Variants in ASTN2 observed in about 807,000 individuals in gnomAD.
ASTN2 encodes astrotactin-2.
ASTN2 carries 54 observed loss-of-function variants against 139.8 expected under a neutral mutation model. The ratio of observed to expected loss-of-function variants is 0.39; its 90% CI spans 0.31 to 0.48. The LOEUF (loss-of-function observed/expected upper bound fraction) is 0.48, where lower values mean the gene tolerates loss of function less well. ASTN2 is among the 20% of genes least tolerant of loss of function. The pLI is 0.95. For missense variants in ASTN2, 1,565 were observed against 1,725.1 expected (o/e 0.91, Z 1.64); for synonymous variants, 756 against 719.5 (o/e 1.05, Z -0.81).
chr9:116,901,350 G>GA (rs1040007515), intron 10 of ASTN2, among the ~76,000 whole-genome samples: 2 of 151,850 alleles, frequency 1.3e-5, no homozygotes, highest in Non-Finnish European at 2.9e-5. Context: ...TATTGCTACA[G>GA]AAAAAAAATA....
intron 16 of ASTN2, among the ~76,000 whole-genome samples, chr9:116,725,042 T>C (rs150547529): frequency 2.0e-5 from 3 of 152,296 alleles, no homozygotes; most frequent in Non-Finnish European, 4.4e-5. Context: ...ATGTGCGATA[T>C]TCTAACTTCC....
At chr9:117,150,615 T>C (rs535501869) in intron 3 of ASTN2, among the ~76,000 whole-genome samples, 5 of 152,282 alleles carry the variant, frequency 3.3e-5, no homozygotes, top group Non-Finnish European at 7.3e-5. Context: ...ACTGTTAAAA[T>C]GAGGCTTGCA....
intron 2 of ASTN2, among the ~76,000 whole-genome samples, chr9:117,278,667 A>G (rs928980320): frequency 1.3e-5 from 2 of 152,236 alleles, no homozygotes; most frequent in Admixed American, 1.3e-4. Flanking sequence ...AGGAAAAAAC[A>G]GAGAAGGAAG....
rs10117257 is a variant in ASTN2, at chr9:117,147,524, C to T, written c.1016-6046G>A. Among the ~76,000 whole-genome samples the T allele has an allele frequency of 4.6e-3, 704 of 152,144 alleles. 7 individuals are homozygous for T. The highest frequency in any genetic ancestry group is 0.016 in the African/African-American group (655 of 41,510). ...CACCCAGGACGTTCCACCGATGAAACGCATATGGGTTTGAGTTGAAGTTCC... is the reference window on the plus strand; with the variant it reads ...CACCCAGGACGTTCCACCGATGAAATGCATATGGGTTTGAGTTGAAGTTCC... On this transcript the variant is annotated intron_variant, in intron 3 of 22. Transcript: ENST00000313400.
intron 4 of ASTN2, among the ~76,000 whole-genome samples, chr9:117,115,751 C>A (rs557120428): frequency 6.7e-6 from 1 of 150,316 alleles, no homozygotes; most frequent in African/African-American, 2.4e-5. Context: ...GCTGGCCGGG[C>A]GCGGTGGCTC....
At chr9:117,028,516 C>T (rs921221132) in intron 6 of ASTN2, among the ~76,000 whole-genome samples, 2 of 152,118 alleles carry the variant, frequency 1.3e-5, no homozygotes, top group African/African-American at 2.4e-5. Context: ...CTCCCACTGG[C>T]ATCAGAGATG....
chr9:117,234,095 T>C (rs914057285), intron 2 of ASTN2, among the ~76,000 whole-genome samples: 1 of 152,100 alleles, frequency 6.6e-6, no homozygotes, highest in Non-Finnish European at 1.5e-5. Flanking sequence ...ATCCAAAAGC[T>C]GAGCAGCAGA....
At chr9:117,286,661 T>A (rs543850548) in intron 2 of ASTN2, among the ~76,000 whole-genome samples, 2 of 152,360 alleles carry the variant, frequency 1.3e-5, no homozygotes, top group Admixed American at 1.3e-4. Flanking sequence ...ATGGTTTTCC[T>A]CTGACTTTGC....
intron 2 of ASTN2, among the ~76,000 whole-genome samples, chr9:117,257,281 C>A (rs1167062590): frequency 6.6e-6 from 1 of 152,140 alleles, no homozygotes; most frequent in Non-Finnish European, 1.5e-5. Context: ...GACTTCGGGG[C>A]TGCATGAAAG....
At chr9:116,833,277 A>AT (rs1225160089) in intron 11 of ASTN2, among the ~76,000 whole-genome samples, 1 of 151,724 alleles carries the variant, frequency 6.6e-6, no homozygotes, top group Non-Finnish European at 1.5e-5. Flanking sequence ...GTGGTAATTT[A>AT]TTTTTTCTCT....
At chr9:116,538,236 G>GA (rs910229807) in intron 19 of ASTN2, among the ~76,000 whole-genome samples, 5 of 150,828 alleles carry the variant, frequency 3.3e-5, no homozygotes, top group Non-Finnish European at 7.4e-5. Context: ...CTGAGAGGGA[G>GA]AAAAAGAAAG....
At chr9:117,015,007 T>G (rs546308920) in intron 6 of ASTN2, among the ~76,000 whole-genome samples, 8 of 152,230 alleles carry the variant, frequency 5.3e-5, no homozygotes, top group African/African-American at 1.9e-4. Flanking sequence ...TATTTCTTTT[T>G]GTTTGTTGTT....
At chr9:117,176,858 G>A (rs554034815) in intron 3 of ASTN2, among the ~76,000 whole-genome samples, 1 of 152,166 alleles carries the variant, frequency 6.6e-6, no homozygotes. Context: ...TTGAGCCTAT[G>A]AGTTGCAGTG....
At chr9:116,532,134 G>T (rs1034048074) in intron 19 of ASTN2, among the ~76,000 whole-genome samples, 24 of 152,134 alleles carry the variant, frequency 1.6e-4, no homozygotes, top group Admixed American at 2.6e-4. Context: ...GAGCATTTTT[G>T]CATGTGTCTT....
chr9:117,356,225 A>T (rs1054376241), intron 1 of ASTN2, among the ~76,000 whole-genome samples: 9 of 152,362 alleles, frequency 5.9e-5, no homozygotes, highest in Admixed American at 3.3e-4. Context: ...TTATAATCCA[A>T]AGCAAAAGTC....
At chr9:117,022,994 GACA>G (rs1009216845) in intron 6 of ASTN2, among the ~76,000 whole-genome samples, 2 of 151,074 alleles carry the variant, frequency 1.3e-5, no homozygotes, top group African/African-American at 2.4e-5. Context: ...ACAAACATAC[GACA>G]ACAACAACAA....
At chr9:116,969,809 TG>T (rs895177772) in intron 10 of ASTN2, among the ~76,000 whole-genome samples, 1 of 152,210 alleles carries the variant, frequency 6.6e-6, no homozygotes, top group African/African-American at 2.4e-5. Context: ...ACCAGAATTC[TG>T]GGCCCACCTC....
At chr9:116,772,045 A>G (rs1170282541) in intron 13 of ASTN2, among the ~76,000 whole-genome samples, 1 of 152,250 alleles carries the variant, frequency 6.6e-6, no homozygotes, top group Non-Finnish European at 1.5e-5. Context: ...ATATTTACAA[A>G]ATATATTAAA....
intron 10 of ASTN2, among the ~76,000 whole-genome samples, chr9:116,925,981 C>T (rs1407287087): frequency 6.6e-6 from 1 of 152,172 alleles, no homozygotes; most frequent in Admixed American, 6.5e-5. Flanking sequence ...AGCTGAAACA[C>T]TGTAGCCTGA....
Sources: gnomAD v4.1 joint callset for allele counts (sites outside exome capture counted in the v4.1 genomes callset) on GRCh38, gnomAD v4.1.1 for gene constraint, MANE v1.5 for transcripts, NCBI Gene and HGNC (gene_info 2026-07-23, HGNC 2026-07-21) for gene names.